DUS2: variants seen among roughly 807,000 people sequenced by gnomAD.
DUS2 encodes the protein tRNA-dihydrouridine(20) synthase [NAD(P)+]-like.
In DUS2, 52 loss-of-function variants were observed where a neutral mutation model predicts 71.3. The ratio of observed to expected loss-of-function variants is 0.73; its 90% CI spans 0.58 to 0.92. The LOEUF (loss-of-function observed/expected upper bound fraction) is 0.92. DUS2 is among the 40% of genes least tolerant of loss of function. The probability of loss-of-function intolerance (pLI) is 0.00; values close to 1 mark genes in which losing one functional copy is unlikely to be tolerated. For synonymous variants in DUS2, 204 were observed against 227.8 expected, an observed-to-expected ratio of 0.90 and a Z score of 0.94; for missense variants, 558 against 622.6, an observed-to-expected ratio of 0.90 and a Z score of 1.10.
chr16:68,030,681 C>T (rs539678942), intron 2 of DUS2, among the ~76,000 whole-genome samples: 1 of 152,078 alleles, frequency 6.6e-6, no homozygotes, highest in African/African-American at 2.4e-5. Flanking sequence ...GCATGTTTTG[C>T]ATATGTATAT....
chr16:68,026,214 C>G (rs1375089477), intron 2 of DUS2, among the ~76,000 whole-genome samples: 3 of 152,118 alleles, frequency 2.0e-5, no homozygotes. Context: ...TGATCTCGAA[C>G]TCCTGACCTC....
chr16:68,062,718 CAAAA>C (rs552579994), intron 8 of DUS2, among the ~76,000 whole-genome samples: 2 of 48,714 alleles, frequency 4.1e-5, no homozygotes, highest in African/African-American at 8.3e-5. Flanking sequence ...GACTCCGTCT[CAAAA>C]AAAAAAAAAA....
chr16:68,050,429 C>A (rs1400601659), intron 4 of DUS2, among the ~76,000 whole-genome samples: 1 of 152,098 alleles, frequency 6.6e-6, no homozygotes, highest in African/African-American at 2.4e-5. Context: ...AGCCACCATG[C>A]CTGGCCGAAC....
At chr16:68,072,312 A>G (rs534381747) in intron 12 of DUS2, among the ~76,000 whole-genome samples, 253 of 152,266 alleles carry the variant, frequency 1.7e-3, no homozygotes, top group Non-Finnish European at 3.1e-3. Context: ...CAGCTCTCCA[A>G]TGGTCTGGGA....
At chr16:68,037,940 C>T in intron 2 of DUS2, 66 bp from the exon 3 acceptor site, 2 of 1,510,966 alleles carry the variant, frequency 1.3e-6, no homozygotes, top group South Asian at 1.2e-5. Flanking sequence ...GGGAAGCCTG[C>T]TCTTGATAAC....
At chr16:68,031,820 G>A (rs1248425774) in intron 2 of DUS2, among the ~76,000 whole-genome samples, 12 of 152,140 alleles carry the variant, frequency 7.9e-5, no homozygotes, top group Non-Finnish European at 2.9e-5. Context: ...TCAGCCTCCC[G>A]AGTAGCTGGG....
chr16:68,039,787 T>C (rs2033595101), intron 3 of DUS2, among the ~76,000 whole-genome samples: 1 of 151,380 alleles, frequency 6.6e-6, no homozygotes. Context: ...GAAAAGAAAA[T>C]TAGACCCCTG....
intron 3 of DUS2, among the ~76,000 whole-genome samples, chr16:68,046,126 C>T (rs1162783598): frequency 6.6e-6 from 1 of 152,122 alleles, no homozygotes; most frequent in Non-Finnish European, 1.5e-5. Context: ...GAGGGTTTGG[C>T]TTCTATTGAT....
chr16:68,067,254 A>C (rs1199052671), intron 10 of DUS2, among the ~76,000 whole-genome samples: 3 of 3,884 alleles, frequency 7.7e-4, no homozygotes, highest in Non-Finnish European at 1.6e-3. Context: ...CTCCCTTCCC[A>C]TCTCCTCCCC....
At position 68,038,073 on chromosome 16, in the gene DUS2, C is replaced by G; in HGVS notation, c.50C>G (p.Ala17Gly). 1 of 1,613,882 alleles carries G rather than the reference C, an allele frequency of 6.2e-7. No individual in the cohort carries two copies. The highest frequency in any genetic ancestry group is 1.3e-5 in the African/African-American group (1 of 74,972). The change falls in exon 3 of 17, where the codon GCC becomes GGC. Residue 17 changes from alanine to glycine, a missense_variant. By Grantham distance (60) the Ala-to-Gly change is moderately conservative. Transcript: ENST00000565263. Reference protein sequence around the residue: ...SLCYHNKLILAPMVRVGTLPM... With the variant: ...SLCYHNKLILGPMVRVGTLPM... ...TGTTACCATAATAAGCTAATCCTGG[C>G]CCCAATGGTTCGGGTAGGGACTCTT... is the stretch of plus-strand genomic sequence containing the variant.
chr16:68,052,133 T>TA (rs902312572), intron 4 of DUS2, among the ~76,000 whole-genome samples: 1 of 151,882 alleles, frequency 6.6e-6, no homozygotes, highest in Non-Finnish European at 1.5e-5. Flanking sequence ...TCGAACTCCC[T>TA]AACCTCAGGT....
At chr16:68,033,240 GTTGTGGCCA>G (rs2033466674) in intron 2 of DUS2, among the ~76,000 whole-genome samples, 1 of 152,148 alleles carries the variant, frequency 6.6e-6, no homozygotes, top group Non-Finnish European at 1.5e-5. Context: ...CTGGTGCGCA[GTTGTGGCCA>G]TTGGCATGTA....
At chr16:68,055,615 G>A (rs2033841023) in intron 6 of DUS2, among the ~76,000 whole-genome samples, 1 of 152,038 alleles carries the variant, frequency 6.6e-6, no homozygotes, top group African/African-American at 2.4e-5. Flanking sequence ...CTATAAAATA[G>A]TGCTACCAAC....
intron 4 of DUS2, among the ~76,000 whole-genome samples, chr16:68,051,732 G>A (rs1300382061): frequency 6.6e-6 from 1 of 151,998 alleles, no homozygotes; most frequent in Non-Finnish European, 1.5e-5. Context: ...ATATACCATT[G>A]ATTCACTTAA....
intron 7 of DUS2, among the ~76,000 whole-genome samples, chr16:68,060,275 T>C (rs1284086369): frequency 6.6e-6 from 1 of 152,044 alleles, no homozygotes; most frequent in East Asian, 1.9e-4. Context: ...TCTAGATAGA[T>C]TTGTGGGATT....
At position 68,044,205 on chromosome 16, in the gene DUS2, G is replaced by A. The variant is rs78031616; in HGVS notation, c.127-5300G>A. ...TTCTTCTCTTTCAAGATTGTTTTGT[G>A]TAATCTGGGTTCTTTGCATTGCTAT... is the stretch of plus-strand genomic sequence containing the variant. On this transcript the variant is annotated intron_variant, in intron 3 of 16. Coordinates refer to ENST00000565263, the MANE Select transcript of DUS2 (RefSeq NM_017803.5). 3.2e-3 allele frequency among the ~76,000 whole-genome samples: 489 copies of A among 152,124 alleles called. 4 individuals are homozygous for A. The Middle Eastern group carries it at 0.058, about 18-fold the overall frequency.
chr16:68,075,447 CA>C lies in DUS2; in HGVS notation c.1026del (p.Glu344SerfsTer32). 1 of 1,613,950 alleles carries C rather than the reference CA, an allele frequency of 6.2e-7. No individual in the cohort carries two copies. ...ARLSAKTSEQ[T>X]GEPAEDTSGV... ...CTCTCAGCCAAGACTTCAGAGCAGA[CA>C]GGGGAGCCAGCTGAAGATACCTCTG... On this transcript the variant is annotated frameshift_variant, in exon 14 of 17. Transcript: ENST00000565263. LOFTEE classifies it high-confidence loss of function.
At chr16:68,037,513 G>A (rs2033549421) in intron 2 of DUS2, among the ~76,000 whole-genome samples, 1 of 151,538 alleles carries the variant, frequency 6.6e-6, no homozygotes, top group African/African-American at 2.4e-5. Flanking sequence ...CGCCTCCCAG[G>A]TTCAAACAAT....
At chr16:68,040,085 TTTC>T (rs2033599594) in intron 3 of DUS2, among the ~76,000 whole-genome samples, 16 of 151,704 alleles carry the variant, frequency 1.1e-4, no homozygotes, top group Admixed American at 1.1e-3. Context: ...AATCTTTTTT[TTTC>T]TTTTTTTTTT....
Sources: allele counts gnomAD v4.1 joint callset (sites outside exome capture counted in the v4.1 genomes callset), GRCh38; gene constraint gnomAD v4.1.1; transcripts MANE v1.5; gene names NCBI Gene and HGNC (gene_info 2026-07-23, HGNC 2026-07-21).